The following SPATS2L variants were observed in gnomAD, a reference collection of about 807,000 sequenced individuals.
SPATS2L encodes the protein SPATS2-like protein.
A neutral mutation model predicts 59.6 loss-of-function variants in SPATS2L; 30 were observed. That is an observed-to-expected ratio of 0.50 (90% CI 0.38 to 0.68). The LOEUF is 0.68. Ranked by LOEUF, SPATS2L falls within the 30% of genes least tolerant of loss-of-function variation. SPATS2L has a pLI of 0.00. For missense variants in SPATS2L, 615 were observed against 700.0 expected, an observed-to-expected ratio of 0.88 and a Z score of 1.37; for synonymous variants, 252 against 263.5, an observed-to-expected ratio of 0.96 and a Z score of 0.42.
At chr2:200,310,478 A>G (rs1369747789) in intron 1 of SPATS2L, among the ~76,000 whole-genome samples, 1 of 152,182 alleles carries the variant, frequency 6.6e-6, no homozygotes, top group Non-Finnish European at 1.5e-5. Flanking sequence ...ATTATAGTCT[A>G]CATCTTGGTC....
intron 11 of SPATS2L, among the ~76,000 whole-genome samples, chr2:200,472,255 C>T (rs1397859981): frequency 6.6e-6 from 1 of 152,162 alleles, no homozygotes; most frequent in South Asian, 2.1e-4. Flanking sequence ...TAGGGGCTGG[C>T]GGGCCTGGCC....
chr2:200,416,387 A>G lies in SPATS2L; in HGVS notation c.157A>G (p.Ile53Val), dbSNP rs760917369. The change falls in exon 5 of 13, where the codon ATT (isoleucine) becomes GTT (valine). Residue 53 changes from isoleucine to valine, a missense_variant. This residue lies in a region of SPATS2L where 227 missense variants were observed against 257.4 expected (regional missense o/e 0.88). Coordinates refer to ENST00000409140, the MANE Select transcript of SPATS2L (RefSeq NM_001100423.2). ...AVQAFVDGSA[I>V]QVLKEWNMTG... ...TCTTTGTCTTTATCTAGGCAGTGCAATTCAAGTTCTAAAAGAATGGAATAT... is the reference window on the plus strand; with the variant it reads ...TCTTTGTCTTTATCTAGGCAGTGCAGTTCAAGTTCTAAAAGAATGGAATAT... 1.3e-6 allele frequency: 2 copies of G among 1,488,954 alleles called. No homozygotes were observed. Among genetic ancestry groups the G allele is most frequent in the Non-Finnish European group, 1.8e-6 (2 of 1,103,846 alleles). The allele number at this position is 1,488,954 out of a possible 1,614,324, so 92.2% of individuals were successfully genotyped here. A position where few individuals can be genotyped will look rare whatever the true frequency, so the allele number is the denominator to read the frequency against.
intron 3 of SPATS2L, among the ~76,000 whole-genome samples, chr2:200,402,760 A>G (rs2082567893): frequency 1.3e-5 from 2 of 152,174 alleles, no homozygotes. Context: ...TAAAAGATTA[A>G]TTTCAACTTT....
At chr2:200,461,668 T>C (rs1046540818) in intron 9 of SPATS2L, among the ~76,000 whole-genome samples, 2 of 152,244 alleles carry the variant, frequency 1.3e-5, no homozygotes, top group African/African-American at 4.8e-5. Flanking sequence ...AATGGCAGTC[T>C]GTGCCCCTAA....
At chr2:200,427,956 C>T (rs2083674900) in intron 6 of SPATS2L, among the ~76,000 whole-genome samples, 1 of 152,032 alleles carries the variant, frequency 6.6e-6, no homozygotes, top group Admixed American at 6.5e-5. Flanking sequence ...CCTGTAGTCC[C>T]AGCTGCTTGG....
chr2:200,309,795 C>G (rs1311614505), intron 1 of SPATS2L, among the ~76,000 whole-genome samples: 1 of 151,958 alleles, frequency 6.6e-6, no homozygotes, highest in East Asian at 1.9e-4. Context: ...TTGAAGTAGT[C>G]TTGCTATGAA....
chr2:200,358,636 C>T (rs2080995816), intron 2 of SPATS2L, among the ~76,000 whole-genome samples: 1 of 150,734 alleles, frequency 6.6e-6, no homozygotes, highest in Non-Finnish European at 1.5e-5. Context: ...TAAATTGCAT[C>T]TTCAAGCAAA....
intron 12 of SPATS2L, among the ~76,000 whole-genome samples, chr2:200,473,813 A>G (rs2087271164): frequency 6.6e-6 from 1 of 152,194 alleles, no homozygotes; most frequent in African/African-American, 2.4e-5. Flanking sequence ...CAGCCTGACC[A>G]ACATGGTGAA....
intron 3 of SPATS2L, among the ~76,000 whole-genome samples, chr2:200,402,513 A>G (rs979053361): frequency 6.6e-6 from 1 of 152,116 alleles, no homozygotes; most frequent in African/African-American, 2.4e-5. Flanking sequence ...CTATAGTGCT[A>G]CTAACCCATC....
chr2:200,446,575 T>C (rs1574585627), intron 8 of SPATS2L, among the ~76,000 whole-genome samples: 1 of 152,146 alleles, frequency 6.6e-6, no homozygotes. Context: ...CCACCTCTCC[T>C]GTAAGAATGA....
chr2:200,421,111 A>T (rs192375009), intron 6 of SPATS2L, among the ~76,000 whole-genome samples: 31 of 152,310 alleles, frequency 2.0e-4, no homozygotes, highest in Admixed American at 1.8e-3. Flanking sequence ...GATTCAGAGA[A>T]GGATATGATA....
At chr2:200,398,198 G>C (rs2082416711) in intron 3 of SPATS2L, among the ~76,000 whole-genome samples, 1 of 152,196 alleles carries the variant, frequency 6.6e-6, no homozygotes, top group Admixed American at 6.5e-5. Context: ...GGGGACCCAA[G>C]AGGAGTGGCA....
chr2:200,410,306 T>C (rs1444086949), intron 3 of SPATS2L, among the ~76,000 whole-genome samples: 1 of 152,168 alleles, frequency 6.6e-6, no homozygotes, highest in African/African-American at 2.4e-5. Context: ...TGTGTATTGT[T>C]GAACACATTC....
intron 1 of SPATS2L, among the ~76,000 whole-genome samples, chr2:200,321,450 C>T (rs1207929544): frequency 1.3e-5 from 2 of 152,176 alleles, no homozygotes; most frequent in Non-Finnish European, 2.9e-5. Flanking sequence ...TGGACCATAG[C>T]ATATGCTCAG....
At chr2:200,405,487 A>G (rs1312135196) in intron 3 of SPATS2L, among the ~76,000 whole-genome samples, 1 of 152,160 alleles carries the variant, frequency 6.6e-6, no homozygotes, top group African/African-American at 2.4e-5. Context: ...GCTGGCAGGA[A>G]GTAGATGTTA....
intron 2 of SPATS2L, among the ~76,000 whole-genome samples, chr2:200,339,971 C>T (rs72918492): frequency 0.021 from 3,174 of 152,212 alleles, 44 homozygotes; most frequent in Middle Eastern, 0.1. Context: ...TAGATGGAAT[C>T]GTTCACACTG....
chr2:200,477,456 A>T (rs1463421048), intron 12 of SPATS2L, among the ~76,000 whole-genome samples, 180 bp from the exon 13 acceptor site: 1 of 146,508 alleles, frequency 6.8e-6, no homozygotes, highest in Admixed American at 6.9e-5. Context: ...CTATTCTTTT[A>T]GGATTAATAA....
chr2:200,372,520 T>C (rs987861601), intron 2 of SPATS2L, among the ~76,000 whole-genome samples: 3 of 152,120 alleles, frequency 2.0e-5, no homozygotes, highest in Admixed American at 6.5e-5. Flanking sequence ...GAGAAAATGT[T>C]GTTCCTCCCA....
chr2:200,415,151 A>G (rs897013670), intron 4 of SPATS2L, among the ~76,000 whole-genome samples: 1 of 152,206 alleles, frequency 6.6e-6, no homozygotes, highest in African/African-American at 2.4e-5. Flanking sequence ...CAGTTAATAA[A>G]AAGTCTGAAT....
Sources: gnomAD v4.1 joint callset for allele counts (sites outside exome capture counted in the v4.1 genomes callset) on GRCh38, gnomAD v4.1.1 for gene constraint, gnomAD v4.1.1 regional missense constraint, MANE v1.5 for transcripts, NCBI Gene and HGNC (gene_info 2026-07-23, HGNC 2026-07-21) for gene names.